BLTP3B: variants seen among roughly 807,000 people sequenced by gnomAD.
The protein encoded by BLTP3B is UHRF1 (ICBP90) binding protein 1-like.
At chr12:100,052,168 G>A in the BLTP3B span, among the ~76,000 whole-genome samples, 2 of 151,336 alleles carry the variant, frequency 1.3e-5, no homozygotes, top group African/African-American at 2.4e-5. Context: ...TCAGCCTCTC[G>A]AGTATCTGGA....
the BLTP3B span, chr12:100,069,790 C>G: frequency 3.4e-6 from 1 of 297,530 alleles, no homozygotes; most frequent in African/African-American, 2.3e-5. Context: ...GCAGCAAAAT[C>G]TCACAAATCA....
chr12:100,095,711 T>C, the BLTP3B span: 1 of 1,613,538 alleles, frequency 6.2e-7, no homozygotes, highest in Non-Finnish European at 8.5e-7. Flanking sequence ...TCTGTTGATT[T>C]TTCTATTGCT....
At chr12:100,121,975 A>T in the BLTP3B span, among the ~76,000 whole-genome samples, 18 of 151,444 alleles carry the variant, frequency 1.2e-4, no homozygotes, top group African/African-American at 3.9e-4. Context: ...TAAATATCTT[A>T]AAAAATAATG....
the BLTP3B span, among the ~76,000 whole-genome samples, chr12:100,111,277 ATTTTTTTTTTTTTT>A: frequency 3.2e-5 from 3 of 94,748 alleles, no homozygotes; most frequent in African/African-American, 8.3e-5. Flanking sequence ...GGGGTTTTAG[ATTTTTTTTTTTTTT>A]TTTTTTTTTT....
the BLTP3B span, chr12:100,047,990 C>A: frequency 6.3e-7 from 1 of 1,591,120 alleles, no homozygotes; most frequent in Non-Finnish European, 8.6e-7. Context: ...ATTGGCATTA[C>A]TGTTGCAACA....
At chr12:100,044,328 G>C in the BLTP3B span, among the ~76,000 whole-genome samples, 1 of 152,146 alleles carries the variant, frequency 6.6e-6, no homozygotes, top group Non-Finnish European at 1.5e-5. Context: ...TCCTATATCT[G>C]AAATTGTCCT....
At chr12:100,072,863 C>T in the BLTP3B span, 93 of 1,533,946 alleles carry the variant, frequency 6.1e-5, 1 homozygote, top group Admixed American at 2.0e-4. Flanking sequence ...AAAACCTTTC[C>T]AAATAATTTA....
chr12:100,058,295 T>G, the BLTP3B span: 1 of 1,613,914 alleles, frequency 6.2e-7, no homozygotes, highest in Non-Finnish European at 8.5e-7. Flanking sequence ...CACTTGTTTC[T>G]GATCCAATTT....
the BLTP3B span, among the ~76,000 whole-genome samples, chr12:100,136,850 TGCCCAGGCTGGAGTGCAATGGCCCGATC>T: frequency 6.6e-6 from 1 of 152,146 alleles, no homozygotes; most frequent in Non-Finnish European, 1.5e-5. Context: ...TCGCTCTTGT[TGCCCAGGCTGGAGTGCAATGGCCCGATC>T]TCAGCTCACT....
chr12:100,058,741 C>G, the BLTP3B span: 10 of 1,613,962 alleles, frequency 6.2e-6, no homozygotes, highest in South Asian at 9.9e-5. Flanking sequence ...GTTACAGCTT[C>G]TACATCTTTC....
At chr12:100,099,416 C>T in the BLTP3B span, among the ~76,000 whole-genome samples, 1 of 151,800 alleles carries the variant, frequency 6.6e-6, no homozygotes, top group Non-Finnish European at 1.5e-5. Flanking sequence ...TCTCTTGAAC[C>T]TGGAGTTTGA....
At chr12:100,100,663 G>C in the BLTP3B span, among the ~76,000 whole-genome samples, 1 of 151,934 alleles carries the variant, frequency 6.6e-6, no homozygotes, top group Non-Finnish European at 1.5e-5. Flanking sequence ...AGTGAGCCAA[G>C]ATCATGCCAC....
the BLTP3B span, chr12:100,057,965 C>A: frequency 6.7e-7 from 1 of 1,500,156 alleles, no homozygotes; most frequent in Non-Finnish European, 8.9e-7. Context: ...ACAAAATACA[C>A]TCATAGGCAC....
the BLTP3B span, among the ~76,000 whole-genome samples, chr12:100,124,446 T>C: frequency 6.7e-6 from 1 of 148,416 alleles, no homozygotes; most frequent in Non-Finnish European, 1.5e-5. Context: ...TACAAAATAT[T>C]AAAAAAAATA....
the BLTP3B span, among the ~76,000 whole-genome samples, chr12:100,125,609 T>C: frequency 2.0e-5 from 3 of 151,964 alleles, no homozygotes; most frequent in African/African-American, 4.8e-5. Flanking sequence ...GATCACGCCA[T>C]AGCACTCCAG....
chr12:100,109,039 T>TCCC, the BLTP3B span, among the ~76,000 whole-genome samples: 1 of 152,114 alleles, frequency 6.6e-6, no homozygotes, highest in Non-Finnish European at 1.5e-5. Flanking sequence ...CTAATTGTAA[T>TCCC]CCCCACATGT....
the BLTP3B span, among the ~76,000 whole-genome samples, chr12:100,133,366 T>C: frequency 6.6e-6 from 1 of 152,140 alleles, no homozygotes; most frequent in Admixed American, 6.5e-5. Context: ...AAATGCTGAG[T>C]CAAAACATTA....
At chr12:100,137,710 A>G in the BLTP3B span, among the ~76,000 whole-genome samples, 1 of 152,134 alleles carries the variant, frequency 6.6e-6, no homozygotes, top group Non-Finnish European at 1.5e-5. Flanking sequence ...CAAAAATAAG[A>G]CTGCTTTAAT....
the BLTP3B span, chr12:100,072,642 T>C: frequency 6.9e-7 from 1 of 1,450,140 alleles, no homozygotes. Flanking sequence ...TCTCAAATAA[T>C]GGACAAATAA....
Sources: gnomAD v4.1 joint callset for allele counts (sites outside exome capture counted in the v4.1 genomes callset) on GRCh38, gnomAD v4.1.1 for gene constraint, MANE v1.5 for transcripts, NCBI Gene and HGNC (gene_info 2026-07-23, HGNC 2026-07-21) for gene names.